The following CPSF6 variants were observed in gnomAD, a reference collection of about 807,000 sequenced individuals.
CPSF6 encodes cleavage and polyadenylation specific factor 6.
In CPSF6, 10 loss-of-function variants were observed where a neutral mutation model predicts 56.7. The observed-to-expected ratio is 0.18, with a 90% CI of 0.11 to 0.30. The LOEUF is 0.30. CPSF6 is among the 10% of genes least tolerant of loss of function. The pLI is 1.00. For missense variants in CPSF6, 419 were observed against 722.9 expected, an observed-to-expected ratio of 0.58 and a Z score of 4.82; for synonymous variants, 248 against 244.8, an observed-to-expected ratio of 1.01 and a Z score of -0.12.
At chr12:69,245,221 A>G (rs567728483) in intron 1 of CPSF6, among the ~76,000 whole-genome samples, 1 of 152,086 alleles carries the variant, frequency 6.6e-6, no homozygotes, top group African/African-American at 2.4e-5. Context: ...ATTCTTTTAT[A>G]TGACTGAGAG....
intron 1 of CPSF6, 114 bp downstream of exon 1, chr12:69,239,820 C>A (rs1225058858): frequency 2.2e-6 from 2 of 915,056 alleles, no homozygotes; most frequent in Non-Finnish European, 2.9e-6. Flanking sequence ...GCGCCCTTGC[C>A]GCCTCTGGGC....
chr12:69,240,769 T>C (rs1011776913), intron 1 of CPSF6, among the ~76,000 whole-genome samples: 15 of 145,886 alleles, frequency 1.0e-4, no homozygotes, highest in Admixed American at 2.1e-4. Flanking sequence ...ACGACGTTGC[T>C]TAGAGGTAAC....
chr12:69,239,953 C>T (rs1284287656), intron 1 of CPSF6, among the ~76,000 whole-genome samples: 3 of 150,322 alleles, frequency 2.0e-5, no homozygotes, highest in African/African-American at 7.3e-5. Flanking sequence ...TGTGCAGCTG[C>T]CGCCGGCTCC....
rs1592787152 is a variant in CPSF6, at chr12:69,239,609, G to A, written c.-38G>A. ...GCTGCCGCGGCGGGCAGACCTGCAG[G>A]AGGCGGCGGCGGCGGCGGCGGCCGA... On this transcript the variant is annotated 5_prime_UTR_variant, in exon 1 of 10. Coordinates refer to ENST00000435070, the MANE Select transcript of CPSF6 (RefSeq NM_007007.3). The A allele has an allele frequency of 6.5e-7, 1 of 1,540,476 alleles. No individual in the cohort carries two copies. The highest frequency in any genetic ancestry group is 8.7e-7 in the Non-Finnish European group (1 of 1,146,602).
intron 1 of CPSF6, among the ~76,000 whole-genome samples, chr12:69,245,260 C>G (rs983487224): frequency 6.6e-6 from 1 of 151,772 alleles, no homozygotes; most frequent in East Asian, 1.9e-4. Flanking sequence ...ACCAGCATTA[C>G]GAGCCCAAAC....
At chr12:69,266,604 C>T (rs185382256) in intron 9 of CPSF6, among the ~76,000 whole-genome samples, 2 of 152,182 alleles carry the variant, frequency 1.3e-5, no homozygotes, top group East Asian at 1.9e-4. Context: ...ATTTAGTTAA[C>T]GTTGTTTAAA....
intron 3 of CPSF6, 56 bp from the exon 4 acceptor site, chr12:69,256,641 A>G (rs1455171576): frequency 6.7e-7 from 1 of 1,502,286 alleles, no homozygotes; most frequent in Non-Finnish European, 9.0e-7. Context: ...GAAGAATAAC[A>G]GTAATAATAT....
In CPSF6 at chr12:69,271,292, ATTG is replaced by A. The variant is rs1416215048; in HGVS notation, c.*1789_*1791del. 6.6e-6 allele frequency: 1 copy of A among 152,008 alleles called. No homozygotes were observed. The allele number at this position is 152,008 out of a possible 1,614,324, so 9.4% of individuals were successfully genotyped here. A position where few individuals can be genotyped will look rare whatever the true frequency, so the allele number is the denominator to read the frequency against. Reference sequence around the variant, plus strand: ...ATCAAAATTTTCCTGTTTTCTGTATATTGTTGTGTCATTTCTTGGCTTTTTAAT... The same window carrying A: ...ATCAAAATTTTCCTGTTTTCTGTATATTGTGTCATTTCTTGGCTTTTTAAT... On this transcript the variant is annotated 3_prime_UTR_variant, in exon 10 of 10. Transcript: ENST00000435070.
At chr12:69,251,997 A>G (rs1193584859) in intron 2 of CPSF6, 11 of 455,682 alleles carry the variant, frequency 2.4e-5, no homozygotes, top group Non-Finnish European at 4.4e-5. Context: ...AAAAACTTGT[A>G]TATGCAAAAA....
In CPSF6 at chr12:69,272,504, A is replaced by G. The variant is rs530842178; in HGVS notation, c.*2996A>G. 10 of 151,900 alleles carry G rather than the reference A, an allele frequency of 6.6e-5. No individual in the cohort carries two copies. Among genetic ancestry groups the G allele is most frequent in the African/African-American group, 1.2e-4 (5 of 41,550 alleles). 9.4% of individuals were successfully genotyped at this position (151,900 alleles called of 1,614,324 possible). A position where few individuals can be genotyped will look rare whatever the true frequency, so the allele number is the denominator to read the frequency against. ...ATCTAAATACATACTGTTTTATACA[A>G]TGAGATGCATTACAAGACTTTTCTG... On this transcript the variant is annotated 3_prime_UTR_variant, in exon 10 of 10. Transcript: ENST00000435070.
intron 1 of CPSF6, among the ~76,000 whole-genome samples, chr12:69,249,074 C>G (rs1872067908): frequency 6.8e-6 from 1 of 147,510 alleles, no homozygotes; most frequent in Non-Finnish European, 1.5e-5. Flanking sequence ...TCCTGCCTAA[C>G]ACGGTGAAAC....
chr12:69,258,483 G>C lies in CPSF6; in HGVS notation c.695-107G>C. 1 of 1,148,514 alleles carries C rather than the reference G, an allele frequency of 8.7e-7. No homozygotes were observed. Among genetic ancestry groups the C allele is most frequent in the East Asian group, 2.5e-5 (1 of 39,678 alleles). 71.1% of individuals were successfully genotyped at this position (1,148,514 alleles called of 1,614,324 possible). On this transcript the variant is annotated intron_variant, in intron 5 of 9. Transcript: ENST00000435070. The surrounding 1 kb of genome is among the most constrained non-coding windows in gnomAD (Gnocchi z 4.2). ...CATACGGGTTTAATTTAAAGACAAAGACTTGGTGTATGCTCTATGCGTTTA... is the reference window on the plus strand; with the variant it reads ...CATACGGGTTTAATTTAAAGACAAACACTTGGTGTATGCTCTATGCGTTTA...
chr12:69,261,525 C>T (rs558852872), intron 8 of CPSF6, among the ~76,000 whole-genome samples: 2 of 151,876 alleles, frequency 1.3e-5, no homozygotes, highest in South Asian at 4.2e-4. Flanking sequence ...TGATCATGTC[C>T]CTGCACTCCA....
chr12:69,240,235 C>T lies in CPSF6; in HGVS notation c.60+529C>T, dbSNP rs1463550031. 2.6e-5 allele frequency among the ~76,000 whole-genome samples: 4 copies of T among 152,186 alleles called. 1 individual carries two copies. The South Asian group carries it at 8.3e-4, about 32-fold the overall frequency. Reference sequence around the variant, plus strand: ...CGCGCACTGTCGCCTCATGGAAGGCCGCGTTCACGGCCCTTTGTATCCCGC... The same window carrying T: ...CGCGCACTGTCGCCTCATGGAAGGCTGCGTTCACGGCCCTTTGTATCCCGC... On this transcript the variant is annotated intron_variant, in intron 1 of 9. Coordinates refer to ENST00000435070, the MANE Select transcript of CPSF6 (RefSeq NM_007007.3).
chr12:69,240,238 G>A (rs575392243), intron 1 of CPSF6, among the ~76,000 whole-genome samples: 1 of 152,260 alleles, frequency 6.6e-6, no homozygotes, highest in South Asian at 2.1e-4. Context: ...GGAAGGCCGC[G>A]TTCACGGCCC....
In CPSF6 at chr12:69,266,592, A is replaced by G. The variant is rs147003181; in HGVS notation, c.*4-2920A>G. 5.3e-3 allele frequency among the ~76,000 whole-genome samples: 809 copies of G among 152,340 alleles called. 4 individuals are homozygous for G. Among genetic ancestry groups the G allele is most frequent in the Non-Finnish European group, 1.0e-2 (678 of 68,022 alleles). On this transcript the variant is annotated intron_variant, in intron 9 of 9. Transcript: ENST00000435070. The stretch of plus-strand genomic sequence containing the variant: ...TTTGAGTAAATTCTGTCTTGAATGA[A>G]TATTTAGTTAACGTTGTTTAAAGAA...
chr12:69,258,558 T>TC lies in CPSF6; in HGVS notation c.695-32_695-31insC, dbSNP rs1472437985. The TC allele has an allele frequency of 1.3e-6, 2 of 1,547,226 alleles. No individual in the cohort carries two copies. The highest frequency in any genetic ancestry group is 2.3e-5 in the East Asian group (1 of 44,396). ...TTAAAATATCTTATTAGTGAAGTGT[T>TC]TTTTTTTCTCTCTTTCTCCTTTGTT... is the stretch of plus-strand genomic sequence containing the variant. On this transcript the variant is annotated intron_variant, in intron 5 of 9. Coordinates refer to ENST00000435070, the MANE Select transcript of CPSF6 (RefSeq NM_007007.3). The surrounding 1 kb of genome is among the most constrained non-coding windows in gnomAD (Gnocchi z 4.2).
At chr12:69,249,151 T>TGGGGGGGGGGGGGGGGGG (rs1872076900) in intron 1 of CPSF6, among the ~76,000 whole-genome samples, 1 of 21,378 alleles carries the variant, frequency 4.7e-5, no homozygotes. Flanking sequence ...TCCCAGCTAC[T>TGGGGGGGGGGGGGGGGGG]CGGGGGGGGG....
At chr12:69,268,570 A>T (rs1019533787) in intron 9 of CPSF6, among the ~76,000 whole-genome samples, 2 of 151,750 alleles carry the variant, frequency 1.3e-5, no homozygotes, top group Non-Finnish European at 1.5e-5. Context: ...CTGAAAAAAA[A>T]TTTTAAAAAA....
Sources: gnomAD v4.1 joint callset for allele counts (sites outside exome capture counted in the v4.1 genomes callset) on GRCh38, gnomAD v4.1.1 for gene constraint, Gnocchi (gnomAD v3.1) non-coding constraint, MANE v1.5 for transcripts, NCBI Gene and HGNC (gene_info 2026-07-23, HGNC 2026-07-21) for gene names.